C3orf49: variants seen among roughly 807,000 people sequenced by gnomAD.
The protein encoded by C3orf49 is putative uncharacterized protein C3orf49.
In C3orf49, 27 loss-of-function variants were observed where a neutral mutation model predicts 13.3. The observed-to-expected ratio is 2.02, with a 90% CI of 1.49 to 2.79. C3orf49 has a LOEUF of 2.79. Among genes scored for constraint, C3orf49 ranks in the 30% most tolerant of loss-of-function variants. C3orf49 has a pLI of 0.00. For missense variants in C3orf49, 242 were observed against 134.2 expected (o/e 1.80, Z -3.97); for synonymous variants, 87 against 47.6 (o/e 1.83, Z -3.40).
chr3:63,818,207 T>A (rs964905022), upstream of C3orf49, among the ~76,000 whole-genome samples: 3 of 152,180 alleles, frequency 2.0e-5, no homozygotes, highest in Non-Finnish European at 4.4e-5. Flanking sequence ...GCCATAAAAC[T>A]ATGGCTTGGG....
intron 5 of C3orf49, among the ~76,000 whole-genome samples, chr3:63,842,280 G>A (rs1234378909): frequency 6.6e-6 from 1 of 152,158 alleles, no homozygotes; most frequent in Non-Finnish European, 1.5e-5. Context: ...TCACCCCACT[G>A]AGAGAGGCTA....
chr3:63,801,520 CAAAT>C, the C3orf49 span, among the ~76,000 whole-genome samples: 8 of 152,212 alleles, frequency 5.3e-5, no homozygotes, highest in African/African-American at 1.7e-4. Flanking sequence ...AATCATCAAA[CAAAT>C]AAATGAATAA....
intron 2 of C3orf49, 21 bp from the exon 3 acceptor site, chr3:63,827,580 C>A (rs1050655799): frequency 1.4e-6 from 1 of 698,532 alleles, no homozygotes; most frequent in Admixed American, 2.0e-5. Flanking sequence ...TTACAGATTC[C>A]TTTTTCCCCC....
Position 63,832,460 on chromosome 3 carries a change from A to G in C3orf49, c.849+616A>G, listed in dbSNP as rs1425081870. ...GATCACGTGAACCCAGGAGTTTGAG[A>G]CCAGCTTGGGCAATATAGTGAGAAT... is the stretch of plus-strand genomic sequence containing the variant. On this transcript the variant is annotated intron_variant, in intron 5 of 6. Coordinates refer to ENST00000295896, the MANE Select transcript of C3orf49 (RefSeq NM_001355236.2). 1.6e-4 allele frequency among the ~76,000 whole-genome samples: 25 copies of G among 152,070 alleles called. 1 individual carries two copies. Among genetic ancestry groups the G allele is most frequent in the Admixed American group, 1.4e-3 (22 of 15,270 alleles).
chr3:63,798,466 C>A, the C3orf49 span, among the ~76,000 whole-genome samples: 1 of 152,088 alleles, frequency 6.6e-6, no homozygotes, highest in African/African-American at 2.4e-5. Flanking sequence ...ACTATAGCAA[C>A]AATAGCATCT....
intron 6 of C3orf49, among the ~76,000 whole-genome samples, chr3:63,845,456 A>G (rs1025952228): frequency 1.3e-5 from 2 of 152,214 alleles, no homozygotes; most frequent in Admixed American, 6.5e-5. Flanking sequence ...GGTGACCAGC[A>G]TATGACCAGA....
At chr3:63,802,051 G>A in the C3orf49 span, among the ~76,000 whole-genome samples, 1 of 152,188 alleles carries the variant, frequency 6.6e-6, no homozygotes, top group South Asian at 2.1e-4. Context: ...CAGGGAATAG[G>A]CAGGGTGAAC....
rs1355016113 is a variant in C3orf49, at chr3:63,823,527, C to G, written c.403C>G (p.Pro135Ala). ...TAGGATTGTCAAGGAGTTTTCATCT[C>G]CCAAGTTATTTACAGCAAAAATGAG... ...LPRIVKEFSS[P>A]KLFTAKMRKL... Residue 135 changes from proline (P) to alanine (A), a missense_variant, in exon 2 of 7, where the codon CCC (proline) becomes GCC (alanine). By Grantham distance (27) the Pro-to-Ala change is conservative. Coordinates refer to ENST00000295896, the MANE Select transcript of C3orf49 (RefSeq NM_001355236.2). 13 of 700,756 alleles carry G rather than the reference C, an allele frequency of 1.9e-5. No individual in the cohort carries two copies. In the East Asian group the frequency reaches 2.7e-4, roughly 14 times the overall value. 43.4% of individuals were successfully genotyped at this position (700,756 alleles called of 1,614,324 possible). A position where few individuals can be genotyped will look rare whatever the true frequency, so the allele number is the denominator to read the frequency against.
At chr3:63,830,020 C>T (rs991506779) in intron 3 of C3orf49, among the ~76,000 whole-genome samples, 2 of 152,110 alleles carry the variant, frequency 1.3e-5, no homozygotes, top group Non-Finnish European at 2.9e-5. Flanking sequence ...TAGGATATTT[C>T]TAATACAATT....
At chr3:63,779,783 A>T in the C3orf49 span, 3 of 152,224 alleles carry the variant, frequency 2.0e-5, no homozygotes, top group African/African-American at 4.8e-5. Context: ...CGGCAATAGC[A>T]TACGGTAGGA....
chr3:63,819,287 C>T, upstream of C3orf49: 1 of 545,338 alleles, frequency 1.8e-6, no homozygotes, highest in Non-Finnish European at 3.3e-6. Flanking sequence ...GGGCCAGTCC[C>T]ACAAATAATG....
the C3orf49 span, among the ~76,000 whole-genome samples, chr3:63,802,469 C>T: frequency 6.6e-6 from 1 of 152,204 alleles, no homozygotes. Flanking sequence ...TTCGTTTAGC[C>T]TTTATCTGCA....
At chr3:63,801,851 T>C in the C3orf49 span, among the ~76,000 whole-genome samples, 1 of 152,182 alleles carries the variant, frequency 6.6e-6, no homozygotes, top group African/African-American at 2.4e-5. Context: ...CCTTCAGGTA[T>C]GTTTCCCTCT....
At chr3:63,809,193 A>G in the C3orf49 span, among the ~76,000 whole-genome samples, 1 of 152,236 alleles carries the variant, frequency 6.6e-6, no homozygotes, top group Non-Finnish European at 1.5e-5. Context: ...TTTGTTAACT[A>G]GATATTTTTT....
the C3orf49 span, among the ~76,000 whole-genome samples, chr3:63,798,301 A>T: frequency 6.6e-6 from 1 of 152,116 alleles, no homozygotes; most frequent in Non-Finnish European, 1.5e-5. Flanking sequence ...TGTTGGTATG[A>T]TAGGAAACAT....
intron 6 of C3orf49, chr3:63,846,264 A>T (rs1406255051): frequency 9.1e-6 from 4 of 441,798 alleles, no homozygotes; most frequent in African/African-American, 2.0e-5. Flanking sequence ...ATCGTCTGAA[A>T]AATCAGGAGA....
At chr3:63,787,006 A>G in the C3orf49 span, 5 of 152,332 alleles carry the variant, frequency 3.3e-5, no homozygotes, top group African/African-American at 9.6e-5. Context: ...CCTGAGTGCT[A>G]TTTACTTAAC....
intron 6 of C3orf49, among the ~76,000 whole-genome samples, chr3:63,846,403 A>G: frequency 6.6e-6 from 1 of 152,152 alleles, no homozygotes; most frequent in South Asian, 2.1e-4. Context: ...GTAACTTATT[A>G]TTTAAAAATT....
At chr3:63,828,987 C>G (rs531358909) in intron 3 of C3orf49, among the ~76,000 whole-genome samples, 19 of 152,288 alleles carry the variant, frequency 1.2e-4, no homozygotes, top group African/African-American at 4.6e-4. Flanking sequence ...AAGTGCAGTT[C>G]CCCAGTTGCA....
Sources: allele counts gnomAD v4.1 joint callset (sites outside exome capture counted in the v4.1 genomes callset), GRCh38; gene constraint gnomAD v4.1.1; transcripts MANE v1.5; gene names NCBI Gene and HGNC (gene_info 2026-07-23, HGNC 2026-07-21).